ENAH: variants seen among roughly 807,000 people sequenced by gnomAD.
ENAH encodes the protein ENAH actin regulator, also known as protein enabled homolog.
In ENAH, 23 loss-of-function variants were observed where a neutral mutation model predicts 78.7. The ratio of observed to expected loss-of-function variants is 0.29; its 90% CI spans 0.21 to 0.41. The LOEUF (loss-of-function observed/expected upper bound fraction) is 0.41. ENAH is among the 10% of genes least tolerant of loss of function. The pLI, the probability that ENAH is intolerant of heterozygous loss-of-function variation, is 1.00. For missense variants in ENAH, 544 were observed against 691.0 expected, an observed-to-expected ratio of 0.79 and a Z score of 2.39; for synonymous variants, 226 against 241.0, an observed-to-expected ratio of 0.94 and a Z score of 0.58.
intron 1 of ENAH, among the ~76,000 whole-genome samples, chr1:225,575,682 C>G (rs2096784567): frequency 6.6e-6 from 1 of 152,096 alleles, no homozygotes; most frequent in Non-Finnish European, 1.5e-5. Flanking sequence ...AGAAACTCAC[C>G]TCTTCTTGAA....
intron 1 of ENAH, among the ~76,000 whole-genome samples, chr1:225,630,540 A>G (rs1448699577): frequency 6.6e-6 from 1 of 152,214 alleles, no homozygotes; most frequent in African/African-American, 2.4e-5. Context: ...TGAACAGTTG[A>G]TATTTGCACA....
chr1:225,585,162 G>A (rs1420391520), intron 1 of ENAH, among the ~76,000 whole-genome samples: 1 of 127,858 alleles, frequency 7.8e-6, no homozygotes, highest in Admixed American at 1.0e-4. Flanking sequence ...GTTGCAGCAA[G>A]CTGAGCTCAT....
intron 3 of ENAH, among the ~76,000 whole-genome samples, chr1:225,552,200 G>A (rs569201678): frequency 1.4e-5 from 2 of 138,234 alleles, no homozygotes; most frequent in Non-Finnish European, 3.0e-5. Flanking sequence ...GCAGTGGCAC[G>A]ATCTCAGCTC....
At chr1:225,505,259 A>G (rs998715293) in intron 11 of ENAH, among the ~76,000 whole-genome samples, 1 of 152,218 alleles carries the variant, frequency 6.6e-6, no homozygotes, top group Non-Finnish European at 1.5e-5. Context: ...AATTTTAAAA[A>G]TCATTACACA....
chr1:225,547,645 TC>T (rs2151377180), intron 3 of ENAH, among the ~76,000 whole-genome samples: 1 of 152,256 alleles, frequency 6.6e-6, no homozygotes, highest in Non-Finnish European at 1.5e-5. Flanking sequence ...ACACTGAATC[TC>T]TATCACCCAA....
At chr1:225,525,482 C>T (rs2096496462) in intron 4 of ENAH, among the ~76,000 whole-genome samples, 2 of 152,174 alleles carry the variant, frequency 1.3e-5, no homozygotes, top group Admixed American at 6.5e-5. Context: ...CATAGCAGAA[C>T]CACGGTCAGG....
chr1:225,514,509 C>T, intron 7 of ENAH, 87 bp downstream of exon 7: 1 of 1,094,776 alleles, frequency 9.1e-7, no homozygotes, highest in African/African-American at 1.6e-5. Flanking sequence ...CATAACATTT[C>T]ATAAAATTAG....
chr1:225,601,523 CAAA>C (rs60046874), intron 1 of ENAH, among the ~76,000 whole-genome samples: 7 of 93,680 alleles, frequency 7.5e-5, no homozygotes, highest in Admixed American at 1.1e-4. Context: ...ATCTCCCCGC[CAAA>C]AAAAAAAAAA....
At chr1:225,611,472 C>A (rs955461408) in intron 1 of ENAH, among the ~76,000 whole-genome samples, 1 of 152,114 alleles carries the variant, frequency 6.6e-6, no homozygotes, top group Non-Finnish European at 1.5e-5. Flanking sequence ...GCGTGCATCA[C>A]CACGCCCAGC....
chr1:225,651,865 A>G (rs1663077553), intron 1 of ENAH, among the ~76,000 whole-genome samples: 1 of 152,202 alleles, frequency 6.6e-6, no homozygotes, highest in African/African-American at 2.4e-5. Flanking sequence ...AATAAAGAAA[A>G]ATATCATACC....
At chr1:225,652,612 G>T in intron 1 of ENAH, 74 bp downstream of exon 1, 1 of 1,237,988 alleles carries the variant, frequency 8.1e-7, no homozygotes, top group Non-Finnish European at 1.0e-6. Context: ...GGGAAGGCGG[G>T]GTCCGAGGAG....
At chr1:225,611,166 T>C (rs574676937) in intron 1 of ENAH, among the ~76,000 whole-genome samples, 1 of 152,182 alleles carries the variant, frequency 6.6e-6, no homozygotes, top group South Asian at 2.1e-4. Flanking sequence ...CATCTTATAT[T>C]TCAATAAAAA....
intron 1 of ENAH, among the ~76,000 whole-genome samples, chr1:225,617,927 G>A (rs1400411009): frequency 6.6e-6 from 1 of 152,168 alleles, no homozygotes; most frequent in Non-Finnish European, 1.5e-5. Flanking sequence ...AAAATCTTAA[G>A]GGAAGGCATA....
Position 225,490,023 on chromosome 1 carries a change from CAAAACA to C in ENAH, c.*7746_*7751del, listed in dbSNP as rs2150988541. 1 of 151,930 alleles carries C rather than the reference CAAAACA, an allele frequency of 6.6e-6. No homozygotes were observed. Among genetic ancestry groups the C allele is most frequent in the Non-Finnish European group, 1.5e-5 (1 of 67,928 alleles). 9.4% of individuals were successfully genotyped at this position (151,930 alleles called of 1,614,324 possible). A position where few individuals can be genotyped will look rare whatever the true frequency, so the allele number is the denominator to read the frequency against. On this transcript the variant is annotated 3_prime_UTR_variant, in exon 14 of 14. Coordinates refer to ENST00000366843, the MANE Select transcript of ENAH (RefSeq NM_018212.6). The stretch of plus-strand genomic sequence containing the variant: ...TATAGTGGCAAGGAAAAAATAAAAA[CAAAACA>C]AAAAGAATTTAAAAAAAGAACTCAA...
chr1:225,620,389 G>A (rs1293754784), intron 1 of ENAH, among the ~76,000 whole-genome samples: 1 of 151,844 alleles, frequency 6.6e-6, no homozygotes, highest in Non-Finnish European at 1.5e-5. Flanking sequence ...AGCTGGGCGT[G>A]GTGCCACATG....
intron 11 of ENAH, among the ~76,000 whole-genome samples, chr1:225,505,689 T>A (rs1050253771): frequency 6.6e-6 from 1 of 152,186 alleles, no homozygotes; most frequent in Non-Finnish European, 1.5e-5. Context: ...GCAATATAGT[T>A]CTTACTCTTT....
At chr1:225,524,631 C>A in intron 4 of ENAH, 3 of 985,398 alleles carry the variant, frequency 3.0e-6, no homozygotes, top group Middle Eastern at 5.2e-4. Context: ...GTCCATCCGG[C>A]CTCCGAAGGC....
At chr1:225,621,026 G>A (rs918839368) in intron 1 of ENAH, among the ~76,000 whole-genome samples, 2 of 152,040 alleles carry the variant, frequency 1.3e-5, no homozygotes, top group African/African-American at 4.8e-5. Flanking sequence ...AAAAAGTGTG[G>A]AGATAGTCCT....
At chr1:225,588,600 G>A (rs992734042) in intron 1 of ENAH, among the ~76,000 whole-genome samples, 1 of 152,134 alleles carries the variant, frequency 6.6e-6, no homozygotes, top group African/African-American at 2.4e-5. Context: ...ACGAAGTCAG[G>A]AGATTGAGAC....
Sources: allele counts gnomAD v4.1 joint callset (sites outside exome capture counted in the v4.1 genomes callset), GRCh38; gene constraint gnomAD v4.1.1; transcripts MANE v1.5; gene names NCBI Gene and HGNC (gene_info 2026-07-23, HGNC 2026-07-21).